The following CCT3 variants were observed in gnomAD, a reference collection of about 807,000 sequenced individuals.
CCT3 encodes chaperonin containing TCP1 subunit 3, also known as T-complex protein 1 subunit gamma.
A neutral mutation model predicts 65.3 loss-of-function variants in CCT3; 10 were observed. The observed-to-expected ratio is 0.15, with a 90% confidence interval of 0.09 to 0.26. The LOEUF (loss-of-function observed/expected upper bound fraction) is 0.26, where lower values mean the gene tolerates loss of function less well. Ranked by LOEUF, CCT3 falls within the 10% of genes least tolerant of loss-of-function variation. CCT3 has a pLI of 1.00. For missense variants in CCT3, 626 were observed against 708.7 expected (o/e 0.88, Z 1.33); for synonymous variants, 225 against 242.3 (o/e 0.93, Z 0.66).
intron 10 of CCT3, among the ~76,000 whole-genome samples, chr1:156,316,573 G>A (rs549915898): frequency 6.6e-6 from 1 of 152,210 alleles, no homozygotes; most frequent in Non-Finnish European, 1.5e-5. Context: ...AAAAATGAAT[G>A]AACTTTGCTG....
At chr1:156,328,324 C>T (rs1343032106) in intron 5 of CCT3, among the ~76,000 whole-genome samples, 6 of 151,946 alleles carry the variant, frequency 3.9e-5, no homozygotes, top group Non-Finnish European at 5.9e-5. Flanking sequence ...TGAGGAGCCC[C>T]TCTGCCCGGC....
intron 11 of CCT3, among the ~76,000 whole-genome samples, chr1:156,311,637 T>C (rs1187409970): frequency 6.6e-6 from 1 of 152,138 alleles, no homozygotes; most frequent in Admixed American, 6.6e-5. Flanking sequence ...GAAAGTTACT[T>C]AGCCTCAATG....
intron 5 of CCT3, among the ~76,000 whole-genome samples, chr1:156,329,756 T>C (rs374100337): frequency 2.0e-5 from 3 of 150,530 alleles, no homozygotes; most frequent in African/African-American, 7.3e-5. Flanking sequence ...CTGACCAACA[T>C]GGTGAAACCC....
Position 156,320,926 on chromosome 1 carries a change from G to A in CCT3, c.522C>T (p.Asn174=). The change falls in exon 7 of 14, where the codon AAC becomes AAT. Residue 174 remains asparagine, a synonymous_variant. Transcript: ENST00000295688. Reference sequence around the variant, plus strand: ...CCATCTTGACAGCATCCAGGGCAATGTTGCAAGCCAAAGATGACCACCGAC... The same window carrying A: ...CCATCTTGACAGCATCCAGGGCAATATTGCAAGCCAAAGATGACCACCGAC... The part of the protein sequence containing the change: ...AISRWSSLAC[N]IALDAVKMVQ... 1 of 1,613,870 alleles carries A rather than the reference G, an allele frequency of 6.2e-7. No individual in the cohort carries two copies. The highest frequency in any genetic ancestry group is 8.5e-7 in the Non-Finnish European group (1 of 1,179,806).
Position 156,309,123 on chromosome 1 carries a change from A to T in CCT3, c.*76T>A. The T allele has an allele frequency of 1.0e-6, 1 of 973,362 alleles. No individual in the cohort carries two copies. The highest frequency in any genetic ancestry group is 1.7e-6 in the Non-Finnish European group (1 of 601,382). The allele number at this position is 973,362 out of a possible 1,614,324, so 60.3% of individuals were successfully genotyped here. A position where few individuals can be genotyped will look rare whatever the true frequency, so the allele number is the denominator to read the frequency against. ...ATCCCTTCTGAACAAAGACGTCCACAGTGTTCCTGGCACTCTGGCTCAGGA... is the reference window on the plus strand; with the variant it reads ...ATCCCTTCTGAACAAAGACGTCCACTGTGTTCCTGGCACTCTGGCTCAGGA... On this transcript the variant is annotated 3_prime_UTR_variant, in exon 14 of 14. Transcript: ENST00000295688.
intron 5 of CCT3, among the ~76,000 whole-genome samples, chr1:156,326,704 C>T (rs1410705694): frequency 6.6e-6 from 1 of 151,498 alleles, no homozygotes; most frequent in Non-Finnish European, 1.5e-5. Context: ...ACAATTTACC[C>T]TCTGGATAAG....
At chr1:156,329,519 A>C (rs901586002) in intron 5 of CCT3, among the ~76,000 whole-genome samples, 1 of 151,538 alleles carries the variant, frequency 6.6e-6, no homozygotes, top group Non-Finnish European at 1.5e-5. Context: ...GTTGGTCAGG[A>C]TGGTCTCGAA....
intron 5 of CCT3, among the ~76,000 whole-genome samples, chr1:156,332,200 G>C (rs1218709402): frequency 6.6e-6 from 1 of 152,128 alleles, no homozygotes; most frequent in East Asian, 1.9e-4. Context: ...TTTTTACAGT[G>C]ACGCGGTCTC....
At chr1:156,315,958 G>A (rs1208808724) in intron 10 of CCT3, among the ~76,000 whole-genome samples, 2 of 152,082 alleles carry the variant, frequency 1.3e-5, no homozygotes, top group Non-Finnish European at 2.9e-5. Flanking sequence ...GTACTGCCCA[G>A]TTGAGTCTCC....
At chr1:156,327,027 T>TA (rs971991446) in intron 5 of CCT3, among the ~76,000 whole-genome samples, 10 of 152,160 alleles carry the variant, frequency 6.6e-5, no homozygotes, top group South Asian at 2.1e-4. Flanking sequence ...GCCTGGGTGA[T>TA]AGAGTGAGAC....
chr1:156,334,621 TA>T, intron 4 of CCT3, 91 bp downstream of exon 4: 3 of 1,235,276 alleles, frequency 2.4e-6, no homozygotes, highest in South Asian at 2.6e-5. Flanking sequence ...ATAGCAGCCC[TA>T]AAAAACTAAT....
chr1:156,318,777 G>A (rs567642937), intron 8 of CCT3, 91 bp downstream of exon 8: 1 of 1,236,864 alleles, frequency 8.1e-7, no homozygotes, highest in Non-Finnish European at 1.1e-6. Context: ...GCACCCAGAA[G>A]GCATGCAATA....
intron 4 of CCT3, 88 bp from the exon 5 acceptor site, chr1:156,333,731 C>T: frequency 1.1e-6 from 1 of 904,626 alleles, no homozygotes; most frequent in Non-Finnish European, 1.8e-6. Context: ...CTTCTTGCTT[C>T]TATACGTACT....
intron 1 of CCT3, among the ~76,000 whole-genome samples, chr1:156,336,885 A>G (rs531832218): frequency 1.3e-5 from 2 of 152,334 alleles, no homozygotes; most frequent in East Asian, 3.9e-4. Flanking sequence ...AATCCATCAG[A>G]AAGAAGGCGG....
At chr1:156,333,513 AT>A in intron 5 of CCT3, 33 bp downstream of exon 5, 1 of 1,505,734 alleles carries the variant, frequency 6.6e-7, no homozygotes, top group Non-Finnish European at 9.2e-7. Context: ...GTTACTTCTA[AT>A]TTTTCCTTAT....
At chr1:156,313,477 T>C (rs114647909) in intron 10 of CCT3, among the ~76,000 whole-genome samples, 416 of 152,058 alleles carry the variant, frequency 2.7e-3, no homozygotes, top group African/African-American at 9.7e-3. Flanking sequence ...TGACATTTAT[T>C]AGTAAGAAAG....
At chr1:156,335,201 G>T in intron 2 of CCT3, 1 of 366,340 alleles carries the variant, frequency 2.7e-6, no homozygotes, top group Non-Finnish European at 4.9e-6. Flanking sequence ...CACCCCTAAA[G>T]CATGGTTAGC....
At chr1:156,317,294 T>A in intron 9 of CCT3, 47 bp from the exon 10 acceptor site, 1 of 1,607,524 alleles carries the variant, frequency 6.2e-7, no homozygotes, top group Non-Finnish European at 8.5e-7. Flanking sequence ...TGAACTGGTT[T>A]TATAATCAAA....
Position 156,318,935 on chromosome 1 carries a change from C to T in CCT3, c.692G>A (p.Arg231His), listed in dbSNP as rs138692004. The T allele has an allele frequency of 6.8e-6, 11 of 1,614,044 alleles. No homozygotes were observed. The highest frequency in any genetic ancestry group is 4.5e-5 in the East Asian group (2 of 44,876). The change falls in exon 8 of 14, where the codon CGC becomes CAC. Residue 231 changes from arginine (R) to histidine (H), a missense_variant. Physicochemically the swap from Arg to His is conservative, Grantham distance 29 (BLOSUM62 0). Coordinates refer to ENST00000295688, the MANE Select transcript of CCT3 (RefSeq NM_005998.5). ...CACAATGCGAGGGTTCTTGATATAG[C>T]GCCGCATACGTGGATGGGTCACATC... The part of the protein sequence containing the change: ...NKDVTHPRMR[R>H]YIKNPRIVLL...
Sources: allele counts gnomAD v4.1 joint callset (sites outside exome capture counted in the v4.1 genomes callset), GRCh38; gene constraint gnomAD v4.1.1; transcripts MANE v1.5; gene names NCBI Gene and HGNC (gene_info 2026-07-23, HGNC 2026-07-21).